Variants in ST6GAL1 observed in about 807,000 individuals in gnomAD.
ST6GAL1 encodes the protein ST6 beta-galactoside alpha-2,6-sialyltransferase 1.
In ST6GAL1, 20 loss-of-function variants were observed where a neutral mutation model predicts 38.0. The ratio of observed to expected loss-of-function variants is 0.53; its 90% CI spans 0.37 to 0.77. The LOEUF (loss-of-function observed/expected upper bound fraction) is 0.77, where lower values mean the gene tolerates loss of function less well. Ranked by LOEUF, ST6GAL1 falls within the 30% of genes least tolerant of loss-of-function variation. The pLI is 0.00. For missense variants in ST6GAL1, 432 were observed against 496.4 expected, an observed-to-expected ratio of 0.87 and a Z score of 1.23; for synonymous variants, 196 against 188.2, an observed-to-expected ratio of 1.04 and a Z score of -0.34.
At chr3:187,023,534 A>C (rs536646117) in intron 2 of ST6GAL1, among the ~76,000 whole-genome samples, 1 of 152,248 alleles carries the variant, frequency 6.6e-6, no homozygotes, top group South Asian at 2.1e-4. Flanking sequence ...GCACATATAC[A>C]CCATGGAATA....
intron 2 of ST6GAL1, among the ~76,000 whole-genome samples, chr3:186,999,987 A>G (rs907264637): frequency 2.0e-5 from 3 of 152,060 alleles, no homozygotes; most frequent in African/African-American, 4.8e-5. Context: ...ATAGGCGTGC[A>G]CTATCACACT....
chr3:187,039,049 T>C (rs1021944135), intron 3 of ST6GAL1, among the ~76,000 whole-genome samples, 176 bp downstream of exon 3: 5 of 152,174 alleles, frequency 3.3e-5, no homozygotes, highest in African/African-American at 4.8e-5. Flanking sequence ...GTGGGTTTCA[T>C]TGGGGGGTGT....
chr3:187,005,257 C>A (rs1215356606), intron 2 of ST6GAL1, among the ~76,000 whole-genome samples: 1 of 129,684 alleles, frequency 7.7e-6, no homozygotes. Context: ...ATCCATGTTT[C>A]TTTTTCTTTT....
At chr3:187,006,721 C>A (rs1374530476) in intron 2 of ST6GAL1, among the ~76,000 whole-genome samples, 3 of 152,186 alleles carry the variant, frequency 2.0e-5, no homozygotes, top group Non-Finnish European at 2.9e-5. Flanking sequence ...AATCTGGCCC[C>A]AAAGTCCACT....
intron 4 of ST6GAL1, chr3:187,043,887 T>C (rs1278431672): frequency 2.0e-5 from 3 of 152,264 alleles, no homozygotes; most frequent in Non-Finnish European, 4.4e-5. Flanking sequence ...TGGGTAATTT[T>C]CAGCTTTTCT....
At chr3:187,032,330 G>A (rs1717781688) in intron 2 of ST6GAL1, among the ~76,000 whole-genome samples, 1 of 152,112 alleles carries the variant, frequency 6.6e-6, no homozygotes, top group African/African-American at 2.4e-5. Flanking sequence ...GCTGCCAGCT[G>A]GAGGATGGCA....
rs527819477 is a variant in ST6GAL1, at chr3:186,946,383, TATTA to T, written c.-325+15550_-325+15553del. On this transcript the variant is annotated intron_variant, in intron 1 of 7. Coordinates refer to ENST00000169298, the MANE Select transcript of ST6GAL1 (RefSeq NM_173216.2). ...TATTTTATTTTACTTTTAAAAAACT[TATTA>T]TTATTATTTTTTGAGACAGTGTCTC... 3.2e-3 allele frequency among the ~76,000 whole-genome samples: 444 copies of T among 137,198 alleles called. 3 individuals carry two copies. The highest frequency in any genetic ancestry group is 0.015 in the African/African-American group (422 of 27,834). 90.0% of individuals were successfully genotyped at this position (137,198 alleles called of 152,430 possible). A position where few individuals can be genotyped will look rare whatever the true frequency, so the allele number is the denominator to read the frequency against.
At chr3:186,964,835 T>A (rs56281924) in intron 2 of ST6GAL1, among the ~76,000 whole-genome samples, 5,353 of 152,294 alleles carry the variant, frequency 0.035, 135 homozygotes, top group East Asian at 0.064. Flanking sequence ...TACCCCAGGC[T>A]GTGGGGCATC....
intron 2 of ST6GAL1, among the ~76,000 whole-genome samples, chr3:187,000,412 AAT>A (rs1716578348): frequency 7.6e-6 from 1 of 130,882 alleles, no homozygotes; most frequent in African/African-American, 3.0e-5. Context: ...AAAAAAAAAA[AAT>A]TAGCTAGGCT....
intron 2 of ST6GAL1, among the ~76,000 whole-genome samples, chr3:186,990,152 G>C (rs975663825): frequency 1.1e-4 from 17 of 152,206 alleles, no homozygotes; most frequent in African/African-American, 4.1e-4. Context: ...TCCTGCCTTG[G>C]CCTCCCCAGT....
chr3:186,984,735 CTT>C (rs1715813660), intron 2 of ST6GAL1, among the ~76,000 whole-genome samples: 1 of 88,204 alleles, frequency 1.1e-5, no homozygotes, highest in Non-Finnish European at 2.4e-5. Context: ...CCCTTCCTTC[CTT>C]CCTTCCCTCC....
chr3:186,978,362 A>G (rs1235664791), intron 2 of ST6GAL1, among the ~76,000 whole-genome samples: 1 of 152,198 alleles, frequency 6.6e-6, no homozygotes, highest in Non-Finnish European at 1.5e-5. Context: ...GTGAGCCACT[A>G]GACACATCAT....
At chr3:187,022,366 G>C (rs1008655661) in intron 2 of ST6GAL1, among the ~76,000 whole-genome samples, 53 of 152,158 alleles carry the variant, frequency 3.5e-4, no homozygotes, top group African/African-American at 1.1e-3. Flanking sequence ...TTGGGGGGTA[G>C]AGGGTTAGGG....
At chr3:187,049,127 G>A (rs560342269) in intron 4 of ST6GAL1, among the ~76,000 whole-genome samples, 77 of 152,200 alleles carry the variant, frequency 5.1e-4, no homozygotes, top group South Asian at 1.2e-3. Flanking sequence ...CTGACTTCAG[G>A]TGATCCACCC....
chr3:187,050,004 T>C (rs1718453532), intron 4 of ST6GAL1, among the ~76,000 whole-genome samples: 1 of 152,214 alleles, frequency 6.6e-6, no homozygotes, highest in Non-Finnish European at 1.5e-5. Flanking sequence ...TTTGATGAAA[T>C]TTTGCCCTAG....
chr3:186,941,349 A>C (rs1714164350), intron 1 of ST6GAL1, among the ~76,000 whole-genome samples: 1 of 152,174 alleles, frequency 6.6e-6, no homozygotes, highest in South Asian at 2.1e-4. Flanking sequence ...GTTCAAACCT[A>C]CCTGGAGTGT....
intron 2 of ST6GAL1, among the ~76,000 whole-genome samples, chr3:187,031,723 C>T (rs1430802861): frequency 6.6e-6 from 1 of 152,236 alleles, no homozygotes; most frequent in East Asian, 1.9e-4. Context: ...GCATGAGCCA[C>T]AGTACCTGGC....
chr3:186,981,936 C>T (rs1715710292), intron 2 of ST6GAL1, among the ~76,000 whole-genome samples: 1 of 152,212 alleles, frequency 6.6e-6, no homozygotes, highest in South Asian at 2.1e-4. Context: ...CCACTGTGCA[C>T]AGTGATTGTG....
At chr3:187,036,115 C>T (rs2108575530) in intron 2 of ST6GAL1, among the ~76,000 whole-genome samples, 1 of 152,260 alleles carries the variant, frequency 6.6e-6, no homozygotes, top group South Asian at 2.1e-4. Context: ...AGACAATTCT[C>T]AAAAGATGCA....
Sources: gnomAD v4.1 joint callset for allele counts (sites outside exome capture counted in the v4.1 genomes callset) on GRCh38, gnomAD v4.1.1 for gene constraint, MANE v1.5 for transcripts, NCBI Gene and HGNC (gene_info 2026-07-23, HGNC 2026-07-21) for gene names.